The following RUNX1T1 variants were observed in gnomAD, a reference collection of about 807,000 sequenced individuals.
The protein encoded by RUNX1T1 is RUNX1 partner transcriptional co-repressor 1.
RUNX1T1 carries 4 observed loss-of-function variants against 62.8 expected under a neutral mutation model. The observed-to-expected ratio is 0.06, with a 90% CI of 0.03 to 0.15. The LOEUF (loss-of-function observed/expected upper bound fraction) is 0.15. RUNX1T1 is among the 10% of genes least tolerant of loss of function. The pLI is 1.00. For missense variants in RUNX1T1, 508 were observed against 754.3 expected, an observed-to-expected ratio of 0.67 and a Z score of 3.82; for synonymous variants, 291 against 286.0, an observed-to-expected ratio of 1.02 and a Z score of -0.18.
chr8:91,998,331 C>T (rs1447766251), intron 5 of RUNX1T1, among the ~76,000 whole-genome samples: 1 of 152,192 alleles, frequency 6.6e-6, no homozygotes, highest in Non-Finnish European at 1.5e-5. Flanking sequence ...GTTTTGCTAT[C>T]ACTCTAGAGG....
chr8:92,035,895 A>G (rs1827330116), intron 1 of RUNX1T1, among the ~76,000 whole-genome samples: 1 of 152,194 alleles, frequency 6.6e-6, no homozygotes, highest in South Asian at 2.1e-4. Context: ...CTAGAACCAT[A>G]AAATTCTGGC....
intron 8 of RUNX1T1, among the ~76,000 whole-genome samples, chr8:91,980,721 C>T (rs968626222): frequency 7.2e-5 from 11 of 151,992 alleles, no homozygotes; most frequent in South Asian, 2.1e-4. Flanking sequence ...GCCCAGGCTG[C>T]GGGGCAGTGG....
At chr8:92,000,666 A>T (rs1819585762) in intron 5 of RUNX1T1, among the ~76,000 whole-genome samples, 1 of 152,212 alleles carries the variant, frequency 6.6e-6, no homozygotes, top group East Asian at 1.9e-4. Context: ...AATCTCACAA[A>T]TACAACCAAC....
intron 6 of RUNX1T1, among the ~76,000 whole-genome samples, chr8:91,987,654 T>C (rs899113092): frequency 3.9e-5 from 6 of 152,134 alleles, no homozygotes; most frequent in African/African-American, 1.2e-4. Flanking sequence ...AAATCCTAAT[T>C]TGAAGTCCAT....
chr8:91,977,783 T>C (rs1430848648), intron 8 of RUNX1T1, among the ~76,000 whole-genome samples: 2 of 151,536 alleles, frequency 1.3e-5, no homozygotes, highest in Non-Finnish European at 2.9e-5. Flanking sequence ...TAATAAAAAC[T>C]TATTTTTTTC....
chr8:91,997,082 G>A (rs1026998066), intron 5 of RUNX1T1, among the ~76,000 whole-genome samples: 3 of 151,984 alleles, frequency 2.0e-5, no homozygotes, highest in East Asian at 3.9e-4. Flanking sequence ...AACCAAGATC[G>A]CGCCACTGCA....
intron 1 of RUNX1T1, 172 bp from the exon 3 acceptor site, chr8:92,017,535 T>TAAG: frequency 6.6e-7 from 1 of 1,504,142 alleles, no homozygotes; most frequent in Non-Finnish European, 8.8e-7. Context: ...AAACCCCACT[T>TAAG]AAGAAGGTAT....
intron 10 of RUNX1T1, among the ~76,000 whole-genome samples, chr8:91,961,439 G>A (rs1322247461): frequency 1.3e-5 from 2 of 152,216 alleles, no homozygotes; most frequent in Admixed American, 1.3e-4. Flanking sequence ...TGGGAGTGAT[G>A]AGAACAAAAC....
intron 3 of RUNX1T1, among the ~76,000 whole-genome samples, chr8:92,012,516 G>A (rs767093674): frequency 2.0e-5 from 3 of 151,990 alleles, no homozygotes; most frequent in Non-Finnish European, 2.9e-5. Flanking sequence ...GACAGAGAAC[G>A]GGTATGGGTG....
chr8:92,037,145 T>A (rs997145417), intron 1 of RUNX1T1, among the ~76,000 whole-genome samples: 1 of 152,170 alleles, frequency 6.6e-6, no homozygotes, highest in Non-Finnish European at 1.5e-5. Context: ...CAGAATTACC[T>A]GAGAAATTCT....
intron 1 of RUNX1T1, among the ~76,000 whole-genome samples, chr8:92,041,615 G>A (rs1261976188): frequency 4.6e-5 from 7 of 151,936 alleles, no homozygotes; most frequent in South Asian, 2.1e-4. Context: ...GGTGGCATGC[G>A]CCTGTAACCC....
chr8:92,102,158 C>T (rs1838066701), upstream of RUNX1T1, among the ~76,000 whole-genome samples: 2 of 152,278 alleles, frequency 1.3e-5, no homozygotes, highest in African/African-American at 2.4e-5. The surrounding 1 kb of genome is among the most constrained non-coding windows in gnomAD (Gnocchi z 4.5). Flanking sequence ...TCCCCATCGG[C>T]CCCTGACTGC....
chr8:92,041,610 C>G (rs1044498075), intron 1 of RUNX1T1, among the ~76,000 whole-genome samples: 1 of 151,990 alleles, frequency 6.6e-6, no homozygotes, highest in Non-Finnish European at 1.5e-5. Context: ...GGCGTGGTGG[C>G]ATGCGCCTGT....
At chr8:92,067,712 G>T (rs1028430196), upstream of RUNX1T1, among the ~76,000 whole-genome samples, 2 of 152,176 alleles carry the variant, frequency 1.3e-5, no homozygotes, top group Non-Finnish European at 2.9e-5. Flanking sequence ...TATTTAAGTT[G>T]TGTGTGCATT....
chr8:91,960,043 T>A (rs1213284271), exon 11 of RUNX1T1: 10 of 602,830 alleles, frequency 1.7e-5, no homozygotes, highest in Non-Finnish European at 2.6e-5. Flanking sequence ...CCACAATAAG[T>A]CATTACGACC....
intron 1 of RUNX1T1, chr8:92,095,690 A>T: frequency 3.9e-6 from 2 of 506,776 alleles, no homozygotes; most frequent in Non-Finnish European, 6.0e-6. Context: ...GGAGGGATGG[A>T]GGAGGGGGCG....
intron 1 of RUNX1T1, among the ~76,000 whole-genome samples, chr8:92,059,372 C>T (rs893958743): frequency 6.6e-6 from 1 of 152,086 alleles, no homozygotes; most frequent in African/African-American, 2.4e-5. Flanking sequence ...GGGATACTAA[C>T]AGTTGTCTGT....
exon 11 of RUNX1T1, chr8:91,960,199 C>T (rs201560003): frequency 3.6e-5 from 56 of 1,575,896 alleles, no homozygotes; most frequent in Non-Finnish European, 4.4e-5. Flanking sequence ...ATTGGTTTCG[C>T]GTTGGTTGTG....
intron 5 of RUNX1T1, among the ~76,000 whole-genome samples, chr8:91,996,016 A>G (rs891411742): frequency 9.9e-5 from 15 of 152,154 alleles, no homozygotes; most frequent in African/African-American, 2.4e-5. Flanking sequence ...GTTGAACTCC[A>G]TATTTGCATT....
Sources: gnomAD v4.1 joint callset for allele counts (sites outside exome capture counted in the v4.1 genomes callset) on GRCh38, gnomAD v4.1.1 for gene constraint, Gnocchi (gnomAD v3.1) non-coding constraint, MANE v1.5 for transcripts, NCBI Gene and HGNC (gene_info 2026-07-23, HGNC 2026-07-21) for gene names.